Variants in STK39 observed in about 807,000 individuals in gnomAD.
STK39 encodes serine/threonine kinase 39, also known as STE20/SPS1-related proline-alanine-rich protein kinase.
A neutral mutation model predicts 77.8 loss-of-function variants in STK39; 20 were observed. The ratio of observed to expected loss-of-function variants is 0.26; its 90% CI spans 0.18 to 0.37. The LOEUF is 0.37. STK39 is among the 10% of genes least tolerant of loss of function. The pLI is 1.00. For missense variants in STK39, 479 were observed against 656.5 expected (o/e 0.73, Z 2.95); for synonymous variants, 246 against 234.1 (o/e 1.05, Z -0.47).
intron 3 of STK39, 112 bp from the exon 4 acceptor site, chr2:168,163,992 A>T: frequency 7.1e-7 from 1 of 1,405,110 alleles, no homozygotes; most frequent in Non-Finnish European, 9.5e-7. Flanking sequence ...GCTTTATTTA[A>T]TGCAAATATT....
intron 14 of STK39, among the ~76,000 whole-genome samples, chr2:168,022,012 G>C (rs936524687): frequency 6.6e-6 from 1 of 152,076 alleles, no homozygotes. Context: ...TGATAGCATA[G>C]TATATCCACT....
intron 14 of STK39, among the ~76,000 whole-genome samples, chr2:168,046,940 A>C (rs1685258942): frequency 6.6e-6 from 1 of 152,250 alleles, no homozygotes; most frequent in Non-Finnish European, 1.5e-5. Flanking sequence ...CAGTAACTAA[A>C]GAAACATAAA....
chr2:168,111,507 G>A (rs976133398), intron 10 of STK39, among the ~76,000 whole-genome samples: 8 of 152,134 alleles, frequency 5.3e-5, no homozygotes, highest in Non-Finnish European at 1.0e-4. Flanking sequence ...TTGCTACTCA[G>A]ATACCTGCTG....
intron 10 of STK39, among the ~76,000 whole-genome samples, chr2:168,120,505 G>C (rs950778755): frequency 6.6e-6 from 1 of 152,232 alleles, no homozygotes; most frequent in African/African-American, 2.4e-5. Context: ...ATGTGCACCT[G>C]AGTGCCCACT....
At chr2:168,024,757 G>A (rs1309675665) in intron 14 of STK39, among the ~76,000 whole-genome samples, 2 of 152,180 alleles carry the variant, frequency 1.3e-5, no homozygotes, top group African/African-American at 2.4e-5. Flanking sequence ...TTTTACATAT[G>A]TTATCTCAGT....
Position 168,162,290 on chromosome 2 carries a change from A to C in STK39, c.573-448T>G, listed in dbSNP as rs1688593187. On this transcript the variant is annotated intron_variant, in intron 4 of 17. Coordinates refer to ENST00000355999, the MANE Select transcript of STK39 (RefSeq NM_013233.3). ...AACAAGAGTGAAACTTGGTCTCAAAAAAAAAAAAAAAAAAAAAAAAAAGGT... is the reference window on the plus strand; with the variant it reads ...AACAAGAGTGAAACTTGGTCTCAAACAAAAAAAAAAAAAAAAAAAAAAGGT... Among the ~76,000 whole-genome samples the C allele has an allele frequency of 5.0e-5, 4 of 79,438 alleles. No individual in the cohort carries two copies. In the East Asian group the frequency reaches 3.6e-3, roughly 72 times the overall value. The allele number at this position is 79,438 out of a possible 152,430, so 52.1% of individuals were successfully genotyped here.
At chr2:168,020,635 TAATTA>T (rs1684547246) in intron 14 of STK39, among the ~76,000 whole-genome samples, 1 of 150,490 alleles carries the variant, frequency 6.6e-6, no homozygotes, top group Admixed American at 6.7e-5. Context: ...ATATTATATA[TAATTA>T]AATGAGATTA....
intron 12 of STK39, among the ~76,000 whole-genome samples, chr2:168,072,916 G>A (rs1685977508): frequency 6.6e-6 from 1 of 152,190 alleles, no homozygotes; most frequent in African/African-American, 2.4e-5. Flanking sequence ...AGCAGGTGGG[G>A]CCTGTTATTC....
Position 168,247,560 on chromosome 2 carries a change from C to CCGCCGCCGT in STK39, c.-126_-125insACGGCGGCG. 2 of 740,834 alleles carry CCGCCGCCGT rather than the reference C, an allele frequency of 2.7e-6. No homozygotes were observed. Among genetic ancestry groups the CCGCCGCCGT allele is most frequent in the Non-Finnish European group, 1.7e-6 (1 of 578,492 alleles). 45.9% of individuals were successfully genotyped at this position (740,834 alleles called of 1,614,324 possible). A position where few individuals can be genotyped will look rare whatever the true frequency, so the allele number is the denominator to read the frequency against. ...CCCTCCCCGCCCGCCGCCGCCGCCG[C>CCGCCGCCGT]CGTCCCCGCCGAAGCCAGCTAGGAG... On this transcript the variant is annotated 5_prime_UTR_variant, in exon 1 of 18. Coordinates refer to ENST00000355999, the MANE Select transcript of STK39 (RefSeq NM_013233.3).
intron 10 of STK39, among the ~76,000 whole-genome samples, chr2:168,124,894 A>C (rs939672084): frequency 1.3e-5 from 2 of 151,912 alleles, no homozygotes; most frequent in African/African-American, 4.8e-5. Flanking sequence ...CAAACACTGC[A>C]TGTTCACTCA....
At chr2:167,971,972 T>A (rs771954280) in intron 16 of STK39, among the ~76,000 whole-genome samples, 4 of 152,236 alleles carry the variant, frequency 2.6e-5, no homozygotes, top group Non-Finnish European at 5.9e-5. Context: ...CAAAAAATGT[T>A]AATTGGGTTA....
intron 10 of STK39, among the ~76,000 whole-genome samples, chr2:168,126,799 T>A (rs1027689806): frequency 6.6e-6 from 1 of 152,182 alleles, no homozygotes; most frequent in Non-Finnish European, 1.5e-5. Context: ...GATAACCCAA[T>A]TGCTCATTAA....
Position 168,212,043 on chromosome 2 carries a change from A to G in STK39, c.209-29953T>C, listed in dbSNP as rs16855126. On this transcript the variant is annotated intron_variant, in intron 1 of 17. Coordinates refer to ENST00000355999, the MANE Select transcript of STK39 (RefSeq NM_013233.3). ...CATCTCAGTTGAAACTAATACCCAA[A>G]AGGAACCTGAATGGCACCTTTAAAA... Among the ~76,000 whole-genome samples the G allele has an allele frequency of 9.8e-3, 1,492 of 152,328 alleles. 23 individuals are homozygous for G. Among genetic ancestry groups the G allele is most frequent in the African/African-American group, 0.034 (1,419 of 41,554 alleles).
At chr2:168,117,956 G>A (rs970385852) in intron 10 of STK39, among the ~76,000 whole-genome samples, 1 of 152,054 alleles carries the variant, frequency 6.6e-6, no homozygotes, top group African/African-American at 2.4e-5. Context: ...AAGATCAAAA[G>A]GGCATTTACT....
At chr2:167,987,580 G>A (rs1192782378) in intron 16 of STK39, among the ~76,000 whole-genome samples, 1 of 152,082 alleles carries the variant, frequency 6.6e-6, no homozygotes, top group Non-Finnish European at 1.5e-5. Context: ...GATGATCCTT[G>A]AAATTCTAAT....
intron 14 of STK39, among the ~76,000 whole-genome samples, chr2:168,019,832 C>T (rs1179210745): frequency 6.6e-6 from 1 of 152,002 alleles, no homozygotes; most frequent in Non-Finnish European, 1.5e-5. Context: ...GCCTCCCGAG[C>T]AGCTGAGACT....
intron 2 of STK39, among the ~76,000 whole-genome samples, chr2:168,175,181 A>G (rs548709067): frequency 5.3e-4 from 81 of 152,318 alleles, no homozygotes; most frequent in African/African-American, 1.8e-3. Context: ...TAAGAACGAC[A>G]ATAACATAGG....
At chr2:168,074,797 T>C (rs1008762825) in intron 12 of STK39, among the ~76,000 whole-genome samples, 185 bp downstream of exon 12, 1 of 152,148 alleles carries the variant, frequency 6.6e-6, no homozygotes, top group Non-Finnish European at 1.5e-5. Context: ...GAAAGCAAAG[T>C]AATTTGCCCC....
At chr2:168,009,684 G>C (rs973265360) in intron 16 of STK39, among the ~76,000 whole-genome samples, 2 of 152,152 alleles carry the variant, frequency 1.3e-5, no homozygotes, top group African/African-American at 2.4e-5. Context: ...ACTTAAGTGT[G>C]ATGTCCATGT....
Sources: allele counts gnomAD v4.1 joint callset (sites outside exome capture counted in the v4.1 genomes callset), GRCh38; gene constraint gnomAD v4.1.1; transcripts MANE v1.5; gene names NCBI Gene and HGNC (gene_info 2026-07-23, HGNC 2026-07-21).